Variants in CFAP77 observed in about 807,000 individuals in gnomAD.
CFAP77 encodes cilia and flagella associated protein 77, also known as cilia- and flagella-associated protein 77.
A neutral mutation model predicts 31.1 loss-of-function variants in CFAP77; 25 were observed. The observed-to-expected ratio is 0.80, with a 90% CI of 0.59 to 1.12. The LOEUF (loss-of-function observed/expected upper bound fraction) is 1.12, where lower values mean the gene tolerates loss of function less well. CFAP77 is among the 50% of genes most tolerant of loss of function. The pLI, the probability that CFAP77 is intolerant of heterozygous loss-of-function variation, is 0.00. For missense variants in CFAP77, 377 were observed against 397.3 expected (o/e 0.95, Z 0.44); for synonymous variants, 151 against 159.9 (o/e 0.94, Z 0.42).
At position 132,564,154 on chromosome 9, in the gene CFAP77, C is replaced by T. The variant is rs1414973012; in HGVS notation, c.733-8234C>T. 6.6e-6 allele frequency among the ~76,000 whole-genome samples: 1 copy of T among 152,142 alleles called. No individual in the cohort carries two copies. Among genetic ancestry groups the T allele is most frequent in the East Asian group, 1.9e-4 (1 of 5,204 alleles). The stretch of plus-strand genomic sequence containing the variant: ...TTTCTCACTCTATCTCAGGGACTAG[C>T]CCCATCTCTGATACACAATGGATGG... On this transcript the variant is annotated intron_variant, in intron 5 of 5. Transcript: ENST00000393216. This position sits in a 1 kb window ranked among gnomAD's most constrained non-coding sequence, Gnocchi z 4.6.
chr9:132,563,659 G>C (rs1190951045), intron 5 of CFAP77, among the ~76,000 whole-genome samples: 1 of 152,210 alleles, frequency 6.6e-6, no homozygotes, highest in Non-Finnish European at 1.5e-5. Context: ...GGACTCGTTG[G>C]TTCGTAGGGT....
At chr9:132,414,924 A>G (rs1472937865) in intron 1 of CFAP77, among the ~76,000 whole-genome samples, 1 of 152,208 alleles carries the variant, frequency 6.6e-6, no homozygotes, top group East Asian at 1.9e-4. Flanking sequence ...TCTAATAAAT[A>G]TTGATGCTGG....
At chr9:132,523,470 CATG>C (rs1390391891) in intron 3 of CFAP77, among the ~76,000 whole-genome samples, 1 of 152,238 alleles carries the variant, frequency 6.6e-6, no homozygotes, top group Non-Finnish European at 1.5e-5. Flanking sequence ...TTGTTTTACA[CATG>C]ATGTGTCTCA....
chr9:132,534,460 A>G (rs1852510889), intron 3 of CFAP77, among the ~76,000 whole-genome samples: 2 of 151,934 alleles, frequency 1.3e-5, no homozygotes, highest in Admixed American at 1.3e-4. Context: ...AAAATATGAA[A>G]AATTAGCCAG....
intron 1 of CFAP77, among the ~76,000 whole-genome samples, chr9:132,423,353 C>G (rs1850257271): frequency 6.6e-6 from 1 of 152,196 alleles, no homozygotes. Context: ...GTCTGGGTTT[C>G]CAGGAGGCTC....
chr9:132,552,618 C>A lies in CFAP77; in HGVS notation c.732+9571C>A, dbSNP rs1391200566. ...GGCTGAGGCAGGAGAATTGCTTGAA[C>A]CTGGGAGGTTGAGGTTGCTGTGAGC... On this transcript the variant is annotated intron_variant, in intron 5 of 5. Coordinates refer to ENST00000393216, the MANE Select transcript of CFAP77 (RefSeq NM_001282957.2). This position sits in a 1 kb window ranked among gnomAD's most constrained non-coding sequence, Gnocchi z 5.5. 6.6e-6 allele frequency among the ~76,000 whole-genome samples: 1 copy of A among 151,644 alleles called. No individual in the cohort carries two copies. The highest frequency in any genetic ancestry group is 2.4e-5 in the African/African-American group (1 of 41,248).
intron 3 of CFAP77, among the ~76,000 whole-genome samples, chr9:132,529,986 A>G (rs548278950): frequency 1.2e-3 from 178 of 152,128 alleles, no homozygotes; most frequent in Non-Finnish European, 2.0e-3. Flanking sequence ...TAGCTGTACT[A>G]ATGGGGGCAT....
intron 1 of CFAP77, among the ~76,000 whole-genome samples, chr9:132,456,387 G>C (rs1430496897): frequency 1.3e-5 from 2 of 152,184 alleles, no homozygotes; most frequent in African/African-American, 4.8e-5. Flanking sequence ...GCCAGCGCTT[G>C]ACTCATTCAT....
chr9:132,438,543 T>TATATATATA (rs1564204145), intron 1 of CFAP77, among the ~76,000 whole-genome samples: 48 of 88,288 alleles, frequency 5.4e-4, no homozygotes, highest in East Asian at 1.7e-3. Context: ...ATATATATAT[T>TATATATATA]TTTTTTTTTT....
At chr9:132,558,787 C>T (rs1161613871) in intron 5 of CFAP77, among the ~76,000 whole-genome samples, 1 of 150,256 alleles carries the variant, frequency 6.7e-6, no homozygotes, top group African/African-American at 2.5e-5. Flanking sequence ...CTAAGATGGG[C>T]AGATCACCTG....
At chr9:132,415,641 G>A (rs1405249465) in intron 1 of CFAP77, among the ~76,000 whole-genome samples, 1 of 152,224 alleles carries the variant, frequency 6.6e-6, no homozygotes, top group African/African-American at 2.4e-5. Context: ...TCTGAGGCTG[G>A]GGTGAACTAA....
intron 1 of CFAP77, among the ~76,000 whole-genome samples, chr9:132,426,244 A>G (rs980152803): frequency 2.6e-5 from 4 of 152,232 alleles, no homozygotes; most frequent in African/African-American, 7.2e-5. Context: ...CAAATTTTTC[A>G]TACCAATTTT....
At chr9:132,542,428 C>A (rs1223384731) in intron 4 of CFAP77, among the ~76,000 whole-genome samples, 3 of 152,234 alleles carry the variant, frequency 2.0e-5, no homozygotes, top group Admixed American at 6.5e-5. Context: ...GGGGCTTCCA[C>A]TGTGTCTCTG....
intron 1 of CFAP77, among the ~76,000 whole-genome samples, chr9:132,486,006 A>C (rs796929258): frequency 3.2e-5 from 1 of 30,866 alleles, no homozygotes; most frequent in African/African-American, 2.0e-4. Flanking sequence ...ATATATATAT[A>C]TATATATATA....
chr9:132,489,736 C>T (rs1249465855), intron 1 of CFAP77, among the ~76,000 whole-genome samples: 1 of 152,168 alleles, frequency 6.6e-6, no homozygotes, highest in African/African-American at 2.4e-5. Flanking sequence ...GACCTTTGCA[C>T]ATTCCAGTTT....
intron 5 of CFAP77, among the ~76,000 whole-genome samples, chr9:132,557,442 A>G (rs1852922728): frequency 6.6e-6 from 1 of 152,226 alleles, no homozygotes; most frequent in Non-Finnish European, 1.5e-5. Context: ...ACAGCCAGGG[A>G]TGAGCGCTGG....
intron 5 of CFAP77, among the ~76,000 whole-genome samples, chr9:132,547,610 GGACA>G (rs1564248684): frequency 6.6e-6 from 1 of 152,180 alleles, no homozygotes; most frequent in African/African-American, 2.4e-5. Flanking sequence ...GGGGTGACAT[GGACA>G]GACAGACCGA....
intron 5 of CFAP77, among the ~76,000 whole-genome samples, chr9:132,562,629 T>C (rs1057059931): frequency 2.0e-5 from 3 of 152,224 alleles, no homozygotes; most frequent in Admixed American, 1.3e-4. Context: ...TACATCCACC[T>C]GTCCACTGCA....
intron 3 of CFAP77, among the ~76,000 whole-genome samples, chr9:132,536,375 A>G (rs1036797909): frequency 2.8e-5 from 4 of 143,732 alleles, no homozygotes; most frequent in African/African-American, 1.0e-4. Context: ...GCTGCTGCAG[A>G]TTGTGGCTCA....
Sources: gnomAD v4.1 joint callset for allele counts (sites outside exome capture counted in the v4.1 genomes callset) on GRCh38, gnomAD v4.1.1 for gene constraint, Gnocchi (gnomAD v3.1) non-coding constraint, MANE v1.5 for transcripts, NCBI Gene and HGNC (gene_info 2026-07-23, HGNC 2026-07-21) for gene names.